The following ERC1 variants were observed in gnomAD, a reference collection of about 807,000 sequenced individuals.
ERC1 encodes ELKS/RAB6-interacting/CAST family member 1, also known as RAB6 interacting protein 2.
Under a neutral mutation model 132.0 loss-of-function variants are expected in ERC1, and 56 were observed. The observed-to-expected ratio is 0.42, with a 90% CI of 0.34 to 0.53. The LOEUF (loss-of-function observed/expected upper bound fraction) is 0.53. Ranked by LOEUF, ERC1 falls within the 20% of genes least tolerant of loss-of-function variation. The pLI, the probability that ERC1 is intolerant of heterozygous loss-of-function variation, is 0.03. For missense variants in ERC1, 1,202 were observed against 1,349.9 expected (o/e 0.89, Z 1.72); for synonymous variants, 478 against 476.1 (o/e 1.00, Z -0.05).
chr12:1,382,404 C>T (rs1021558950), intron 16 of ERC1, among the ~76,000 whole-genome samples: 2 of 152,198 alleles, frequency 1.3e-5, no homozygotes, highest in African/African-American at 4.8e-5. Context: ...ATGTCAGATG[C>T]GAGCCCTGTG....
At chr12:1,044,906 A>G (rs1247970523) in intron 2 of ERC1, among the ~76,000 whole-genome samples, 1 of 152,130 alleles carries the variant, frequency 6.6e-6, no homozygotes, top group African/African-American at 2.4e-5. Context: ...TTCCACAATG[A>G]CTCATCCATG....
chr12:1,038,911 A>G (rs531006608), intron 2 of ERC1, among the ~76,000 whole-genome samples: 5 of 152,310 alleles, frequency 3.3e-5, no homozygotes, highest in Admixed American at 1.3e-4. Context: ...TCAAAGAAAT[A>G]TTTGGATATA....
intron 11 of ERC1, 145 bp from the exon 12 acceptor site, chr12:1,189,713 CA>C (rs1373759955): frequency 1.8e-6 from 1 of 552,662 alleles, no homozygotes; most frequent in Admixed American, 3.4e-5. Context: ...AATACTTAAG[CA>C]GATAAAAACC....
intron 8 of ERC1, among the ~76,000 whole-genome samples, chr12:1,154,354 T>C (rs900345797): frequency 6.9e-6 from 1 of 145,738 alleles, no homozygotes; most frequent in Non-Finnish European, 1.5e-5. Context: ...TGTGTGTTTA[T>C]ACACACACAC....
intron 5 of ERC1, among the ~76,000 whole-genome samples, chr12:1,111,363 A>G (rs1273031499): frequency 2.0e-5 from 3 of 152,182 alleles, no homozygotes; most frequent in Non-Finnish European, 4.4e-5. Context: ...AAGCCAGAAA[A>G]TAAGTGTTTT....
chr12:1,091,631 A>T (rs1943234091), intron 3 of ERC1, among the ~76,000 whole-genome samples: 1 of 152,214 alleles, frequency 6.6e-6, no homozygotes, highest in South Asian at 2.1e-4. Context: ...CTTTGAGAAA[A>T]AGTACCTGCC....
intron 1 of ERC1, among the ~76,000 whole-genome samples, chr12:1,010,804 A>G (rs1237250032): frequency 6.6e-6 from 1 of 151,996 alleles, no homozygotes; most frequent in East Asian, 1.9e-4. Context: ...CCGGCTGGCT[A>G]TATGATTTTT....
chr12:1,270,668 A>G (rs919854883), intron 14 of ERC1, among the ~76,000 whole-genome samples: 15 of 151,680 alleles, frequency 9.9e-5, no homozygotes, highest in African/African-American at 3.4e-4. Flanking sequence ...AATATTTAAT[A>G]TATCTATTGG....
At chr12:1,061,768 C>A (rs187409554) in intron 2 of ERC1, among the ~76,000 whole-genome samples, 201 of 151,070 alleles carry the variant, frequency 1.3e-3, no homozygotes, top group African/African-American at 4.4e-3. Context: ...TCTCTGGTTT[C>A]TATTTTGCTT....
At chr12:1,201,313 T>A (rs1956895504) in intron 12 of ERC1, among the ~76,000 whole-genome samples, 1 of 152,226 alleles carries the variant, frequency 6.6e-6, no homozygotes, top group South Asian at 2.1e-4. Flanking sequence ...TTTACTATGA[T>A]GTGTCTTCTA....
At chr12:1,083,000 T>G in intron 2 of ERC1, 164 bp from the exon 3 acceptor site, 1 of 602,560 alleles carries the variant, frequency 1.7e-6, no homozygotes, top group Non-Finnish European at 2.9e-6. Flanking sequence ...ACATTTTGCA[T>G]ATTATCTCAA....
intron 15 of ERC1, among the ~76,000 whole-genome samples, chr12:1,292,654 T>C (rs185043439): frequency 6.6e-6 from 1 of 152,284 alleles, no homozygotes; most frequent in East Asian, 1.9e-4. Context: ...CAGTACTAAA[T>C]TCTGACATTT....
chr12:1,094,169 C>T (rs1298946710), intron 3 of ERC1, among the ~76,000 whole-genome samples: 1 of 149,878 alleles, frequency 6.7e-6, no homozygotes, highest in African/African-American at 2.4e-5. Flanking sequence ...CAGGTGCCTG[C>T]CACCATGCCT....
In ERC1 at chr12:1,330,169, G is replaced by T. The variant is rs116402178; in HGVS notation, c.2780+40157G>T. Among the ~76,000 whole-genome samples the T allele has an allele frequency of 9.9e-3, 1,502 of 152,160 alleles. 33 individuals are homozygous for T. The highest frequency in any genetic ancestry group is 0.034 in the African/African-American group (1,405 of 41,494). On this transcript the variant is annotated intron_variant, in intron 15 of 18. Transcript: ENST00000360905. ...GAAATGCATAAACAACATAATACAC[G>T]ACAATGGGAAAAGTCAGATAGCACA...
intron 17 of ERC1, chr12:1,410,344 A>T: frequency 1.1e-6 from 1 of 911,174 alleles, no homozygotes; most frequent in Admixed American, 2.3e-5. Flanking sequence ...TTTTCATTCC[A>T]TGCTGCCCTG....
chr12:1,464,868 A>G (rs2093713931), intron 18 of ERC1, among the ~76,000 whole-genome samples: 2 of 151,742 alleles, frequency 1.3e-5, no homozygotes, highest in Admixed American at 1.3e-4. Context: ...CTCACACTGG[A>G]CTCTTTAAAA....
chr12:1,054,793 A>AT (rs1002848665), intron 2 of ERC1, among the ~76,000 whole-genome samples: 1 of 152,088 alleles, frequency 6.6e-6, no homozygotes, highest in Admixed American at 6.5e-5. Context: ...ACTTTGAGAG[A>AT]TTTTTTTCAA....
At chr12:1,009,213 C>T (rs528617831) in intron 1 of ERC1, among the ~76,000 whole-genome samples, 88 of 149,940 alleles carry the variant, frequency 5.9e-4, no homozygotes, top group Middle Eastern at 3.4e-3. Context: ...CTCTCTCTGT[C>T]GCCCAGGCTG....
intron 12 of ERC1, among the ~76,000 whole-genome samples, chr12:1,195,873 CCG>C (rs1413051404): frequency 2.3e-5 from 3 of 128,014 alleles, no homozygotes; most frequent in Admixed American, 8.6e-5. Flanking sequence ...GTACTTATTT[CCG>C]CCCCCCCCCC....
Sources: allele counts gnomAD v4.1 joint callset (sites outside exome capture counted in the v4.1 genomes callset), GRCh38; gene constraint gnomAD v4.1.1; transcripts MANE v1.5; gene names NCBI Gene and HGNC (gene_info 2026-07-23, HGNC 2026-07-21).